Variants in UTRN observed in about 807,000 individuals in gnomAD.
UTRN encodes the protein dystrophin-related protein 1.
In UTRN, 283 loss-of-function variants were observed where a neutral mutation model predicts 463.9. The ratio of observed to expected loss-of-function variants is 0.61; its 90% CI spans 0.55 to 0.67. The LOEUF (loss-of-function observed/expected upper bound fraction) is 0.67, where lower values mean the gene tolerates loss of function less well. Among genes scored for constraint, UTRN ranks in the 30% least tolerant of loss-of-function variants. UTRN has a pLI of 0.00. For missense variants in UTRN, 3,922 were observed against 4,084.3 expected (o/e 0.96, Z 1.08); for synonymous variants, 1,442 against 1,431.5 (o/e 1.01, Z -0.17).
intron 58 of UTRN, among the ~76,000 whole-genome samples, chr6:144,765,753 T>C (rs1374381676): frequency 1.3e-5 from 2 of 151,670 alleles, no homozygotes; most frequent in African/African-American, 2.4e-5. Context: ...TATTCATTAT[T>C]TACAATGTTG....
At chr6:144,294,154 G>T (rs904093427) in intron 2 of UTRN, among the ~76,000 whole-genome samples, 2 of 151,952 alleles carry the variant, frequency 1.3e-5, no homozygotes, top group Non-Finnish European at 2.9e-5. Context: ...ATTGCTTAGA[G>T]TGTTTAGATG....
In UTRN at chr6:144,554,854, C is replaced by A. The variant is rs1363954976; in HGVS notation, c.7095C>A (p.Ala2365=). 6.2e-7 allele frequency: 1 copy of A among 1,613,908 alleles called. No individual in the cohort carries two copies. Among genetic ancestry groups the A allele is most frequent in the South Asian group, 1.1e-5 (1 of 91,058 alleles). Residue 2365 remains alanine (A), a synonymous_variant, in exon 49 of 75, where the codon GCC becomes GCA. Transcript: ENST00000367545. ...CTCGACTCTATATTCTTCAGCAAGC[C>A]CGACGGGATCCACTCACCAAACAAA... ...YEARLYILQQ[A]RRDPLTKQIS... is the part of the protein sequence containing the mutation.
chr6:144,352,366 G>A lies in UTRN; in HGVS notation c.80-50757G>A, dbSNP rs573651292. On this transcript the variant is annotated intron_variant, in intron 2 of 74. Transcript: ENST00000367545. ...AAATGAATTATTATATTTTACCTTT[G>A]CCCATGTGAATTCTTTAAAATAATT... Among the ~76,000 whole-genome samples the A allele has an allele frequency of 5.3e-5, 8 of 152,218 alleles. No homozygotes were observed. In the South Asian group the frequency reaches 8.3e-4, roughly 16 times the overall value.
At chr6:144,318,505 C>G (rs1037632776) in intron 2 of UTRN, among the ~76,000 whole-genome samples, 1 of 152,048 alleles carries the variant, frequency 6.6e-6, no homozygotes, top group African/African-American at 2.4e-5. Context: ...GCTCTATCGC[C>G]CAGGCTGGAG....
chr6:144,789,704 T>C (rs970682876), intron 62 of UTRN, among the ~76,000 whole-genome samples: 2 of 152,210 alleles, frequency 1.3e-5, no homozygotes, highest in Non-Finnish European at 2.9e-5. Flanking sequence ...GCCTAAACTT[T>C]TTTTTATTTC....
At chr6:144,598,192 G>C (rs1025370638) in intron 51 of UTRN, among the ~76,000 whole-genome samples, 3 of 152,194 alleles carry the variant, frequency 2.0e-5, no homozygotes, top group African/African-American at 7.2e-5. Context: ...AGGGTGATCA[G>C]GGTGTAGCAT....
At chr6:144,405,917 T>C (rs1277568648) in intron 3 of UTRN, among the ~76,000 whole-genome samples, 3 of 152,268 alleles carry the variant, frequency 2.0e-5, no homozygotes, top group Non-Finnish European at 2.9e-5. Flanking sequence ...GGTGTCCTGT[T>C]AGCTCAGGCA....
chr6:144,390,058 T>G (rs938736424), intron 2 of UTRN, among the ~76,000 whole-genome samples: 1 of 152,242 alleles, frequency 6.6e-6, no homozygotes, highest in African/African-American at 2.4e-5. Context: ...ATTTGGTGTA[T>G]ACTTGAAAAT....
intron 61 of UTRN, among the ~76,000 whole-genome samples, chr6:144,786,646 G>T (rs1469756288): frequency 1.3e-5 from 2 of 152,012 alleles, no homozygotes; most frequent in African/African-American, 4.8e-5. Context: ...GGCTTTCTCT[G>T]TGATACTCTA....
At chr6:144,666,297 C>G (rs1389707695) in intron 51 of UTRN, among the ~76,000 whole-genome samples, 1 of 152,168 alleles carries the variant, frequency 6.6e-6, no homozygotes, top group Non-Finnish European at 1.5e-5. Flanking sequence ...GCAAGCTTAG[C>G]CAGGACTTTG....
At chr6:144,302,482 C>T (rs1023576206) in intron 2 of UTRN, among the ~76,000 whole-genome samples, 4 of 141,244 alleles carry the variant, frequency 2.8e-5, no homozygotes, top group Non-Finnish European at 5.9e-5. Flanking sequence ...TGCACTCCAG[C>T]CTGGGCAACA....
At chr6:144,745,899 C>A (rs1157788437) in intron 54 of UTRN, among the ~76,000 whole-genome samples, 2 of 151,838 alleles carry the variant, frequency 1.3e-5, no homozygotes, top group African/African-American at 4.8e-5. Flanking sequence ...AAAGTTACCA[C>A]CTCTCATGAG....
intron 65 of UTRN, among the ~76,000 whole-genome samples, chr6:144,809,987 C>T (rs1049608917): frequency 6.6e-6 from 1 of 152,074 alleles, no homozygotes; most frequent in Non-Finnish European, 1.5e-5. Context: ...AAACGGAAGC[C>T]TGTGTATTTT....
chr6:144,541,307 T>A (rs1186052291), intron 45 of UTRN, among the ~76,000 whole-genome samples: 1 of 152,236 alleles, frequency 6.6e-6, no homozygotes, highest in Non-Finnish European at 1.5e-5. Flanking sequence ...TGTTAGGTCC[T>A]GTGTCACTTG....
intron 2 of UTRN, among the ~76,000 whole-genome samples, chr6:144,394,030 A>G (rs1330037930): frequency 1.3e-5 from 2 of 152,100 alleles, no homozygotes; most frequent in African/African-American, 4.8e-5. Context: ...GTCTATCTCA[A>G]GGTGTTGTAT....
chr6:144,736,255 G>A (rs557095375), intron 54 of UTRN, among the ~76,000 whole-genome samples: 12 of 152,290 alleles, frequency 7.9e-5, no homozygotes, highest in Admixed American at 3.9e-4. Context: ...CCTGTTTGAT[G>A]CCGAAGTACT....
At position 144,320,064 on chromosome 6, in the gene UTRN, G is replaced by A. The variant is rs181780293; in HGVS notation, c.79+28157G>A. 7.1e-3 allele frequency among the ~76,000 whole-genome samples: 1,081 copies of A among 151,284 alleles called. 3 individuals are homozygous for A. Among genetic ancestry groups the A allele is most frequent in the Middle Eastern group, 0.021 (6 of 286 alleles). ...AGACGGGCTTTCACCGTGTTGGCCA[G>A]GCTTGCCTTGAACTCCTGACCTCGT... On this transcript the variant is annotated intron_variant, in intron 2 of 74. Coordinates refer to ENST00000367545, the MANE Select transcript of UTRN (RefSeq NM_007124.3).
At chr6:144,484,409 T>C (rs1792205970) in intron 27 of UTRN, among the ~76,000 whole-genome samples, 1 of 151,858 alleles carries the variant, frequency 6.6e-6, no homozygotes, top group African/African-American at 2.4e-5. Context: ...GGAGCAATTT[T>C]TTCATTTTGT....
chr6:144,557,130 A>C, intron 49 of UTRN, 27 bp from the exon 50 acceptor site: 1 of 1,605,106 alleles, frequency 6.2e-7, no homozygotes. Context: ...ACCAAGTCTA[A>C]CAAACAGACC....
Sources: allele counts gnomAD v4.1 joint callset (sites outside exome capture counted in the v4.1 genomes callset), GRCh38; gene constraint gnomAD v4.1.1; transcripts MANE v1.5; gene names NCBI Gene and HGNC (gene_info 2026-07-23, HGNC 2026-07-21).